BTBD16: variants seen among roughly 807,000 people sequenced by gnomAD.
BTBD16 encodes BTB domain containing 16.
Under a neutral mutation model 67.4 loss-of-function variants are expected in BTBD16, and 66 were observed. That is an observed-to-expected ratio of 0.98 (90% confidence interval 0.80 to 1.20). BTBD16 has a LOEUF of 1.20. Among genes scored for constraint, BTBD16 ranks in the 50% most tolerant of loss-of-function variants. BTBD16 has a pLI of 0.00. For synonymous variants in BTBD16, 242 were observed against 236.4 expected, an observed-to-expected ratio of 1.02 and a Z score of -0.22; for missense variants, 634 against 616.0, an observed-to-expected ratio of 1.03 and a Z score of -0.31.
Position 122,334,958 on chromosome 10 carries a change from C to G in BTBD16, c.1242C>G (p.Thr414=), listed in dbSNP as rs751699025. The G allele has an allele frequency of 6.5e-7, 1 of 1,538,814 alleles. No homozygotes were observed. The change falls in exon 14 of 16, where the codon ACC becomes ACG. Residue 414 remains threonine (T), a synonymous_variant. Coordinates refer to ENST00000260723, the MANE Select transcript of BTBD16 (RefSeq NM_144587.5). Reference sequence around the variant, plus strand: ...TAAAGGGACTCAAACATGATACTACCTCTTATAGTTTTTACATGCAGGTAA... The same window carrying G: ...TAAAGGGACTCAAACATGATACTACGTCTTATAGTTTTTACATGCAGGTAA... ...FKIKGLKHDT[T]SYSFYMQRIK...
At chr10:122,337,925 C>G (rs1464155792) in intron 15 of BTBD16, 92 bp from the exon 16 acceptor site, 6 of 1,060,016 alleles carry the variant, frequency 5.7e-6, no homozygotes, top group African/African-American at 4.7e-5. Context: ...CCAGCATTTT[C>G]TACAACTGTT....
chr10:122,280,303 G>A (rs1010523201), intron 3 of BTBD16, among the ~76,000 whole-genome samples: 12 of 152,182 alleles, frequency 7.9e-5, no homozygotes, highest in African/African-American at 1.9e-4. Flanking sequence ...GTCCACAGGC[G>A]TGTATGGATG....
chr10:122,326,450 G>A (rs924263977), intron 10 of BTBD16, among the ~76,000 whole-genome samples: 1 of 152,096 alleles, frequency 6.6e-6, no homozygotes, highest in African/African-American at 2.4e-5. Context: ...CCTTGCGCCT[G>A]GCTTACTGCT....
At chr10:122,288,465 C>A (rs2096367820) in intron 5 of BTBD16, among the ~76,000 whole-genome samples, 2 of 152,136 alleles carry the variant, frequency 1.3e-5, no homozygotes, top group South Asian at 4.1e-4. Context: ...GGATGATGGG[C>A]TTTTTGGCTC....
intron 9 of BTBD16, among the ~76,000 whole-genome samples, chr10:122,305,213 T>TG (rs2096401515): frequency 6.6e-6 from 1 of 152,198 alleles, no homozygotes; most frequent in African/African-American, 2.4e-5. Flanking sequence ...CATGAGTAAA[T>TG]TGCATGTCAC....
At chr10:122,332,384 G>A (rs372683873) in intron 12 of BTBD16, 52 bp from the exon 13 acceptor site, 16 of 1,566,230 alleles carry the variant, frequency 1.0e-5, no homozygotes, top group South Asian at 3.4e-5. Flanking sequence ...GAAGAGAGGC[G>A]CTCGTGTCCA....
At chr10:122,300,633 G>T (rs977437046) in intron 9 of BTBD16, among the ~76,000 whole-genome samples, 2 of 152,140 alleles carry the variant, frequency 1.3e-5, no homozygotes, top group Non-Finnish European at 1.5e-5. Flanking sequence ...TTACATTGAT[G>T]TAATACTTTA....
intron 7 of BTBD16, among the ~76,000 whole-genome samples, chr10:122,295,096 A>G (rs539233188): frequency 6.6e-6 from 1 of 152,344 alleles, no homozygotes; most frequent in African/African-American, 2.4e-5. Context: ...ACAGGTCAGC[A>G]CAGAGCTGGC....
chr10:122,307,363 A>G, intron 10 of BTBD16, 55 bp downstream of exon 10: 1 of 1,492,930 alleles, frequency 6.7e-7, no homozygotes, highest in Non-Finnish European at 9.0e-7. Flanking sequence ...ATGTACAAAC[A>G]CTGCTCATAA....
chr10:122,286,150 C>T lies in BTBD16; in HGVS notation c.287C>T (p.Pro96Leu). 2 of 1,613,938 alleles carry T rather than the reference C, an allele frequency of 1.2e-6. No homozygotes were observed. Among genetic ancestry groups the T allele is most frequent in the Non-Finnish European group, 1.7e-6 (2 of 1,179,878 alleles). The change falls in exon 5 of 16, where the codon CCC (proline) becomes CTC (leucine). Residue 96 changes from proline (P) to leucine (L), a missense_variant. Coordinates refer to ENST00000260723, the MANE Select transcript of BTBD16 (RefSeq NM_144587.5). ...GGCTTCAAATGGGAGCTCCATCAGC[C>T]CCAGCTTTTTCAGTCTGAGACCTTG... is the stretch of plus-strand genomic sequence containing the variant. The part of the protein sequence containing the change: ...CLGFKWELHQ[P>L]QLFQSETLAK...
chr10:122,298,868 C>T, intron 8 of BTBD16, 136 bp from the exon 9 acceptor site: 1 of 1,097,500 alleles, frequency 9.1e-7, no homozygotes. Context: ...TGCTGTAATT[C>T]ATGTATTTTG....
rs549878169 is a variant in BTBD16 at position 122,306,905 on chromosome 10, C to T, written c.792-284C>T. 2.6e-5 allele frequency among the ~76,000 whole-genome samples: 4 copies of T among 152,292 alleles called. No individual in the cohort carries two copies. In the East Asian group the frequency reaches 7.7e-4, roughly 29 times the overall value. On this transcript the variant is annotated intron_variant, in intron 9 of 15. Transcript: ENST00000260723. ...CAGAAAACATCTTGGGAACACCTGGCACATAGTAAGAGCTCATTAAATGAC... is the reference window on the plus strand; with the variant it reads ...CAGAAAACATCTTGGGAACACCTGGTACATAGTAAGAGCTCATTAAATGAC...
At chr10:122,272,294 T>G (rs1177179453) in intron 1 of BTBD16, among the ~76,000 whole-genome samples, 1 of 152,202 alleles carries the variant, frequency 6.6e-6, no homozygotes, top group Non-Finnish European at 1.5e-5. Flanking sequence ...CACCAGCAGC[T>G]GGGTACAAAC....
At chr10:122,306,715 A>C (rs1393041920) in intron 9 of BTBD16, among the ~76,000 whole-genome samples, 1 of 152,220 alleles carries the variant, frequency 6.6e-6, no homozygotes, top group Non-Finnish European at 1.5e-5. Flanking sequence ...AGTCTATTTT[A>C]GTGTAATATA....
At chr10:122,287,355 G>A in intron 5 of BTBD16, 1 of 874,420 alleles carries the variant, frequency 1.1e-6, no homozygotes, top group Non-Finnish European at 1.4e-6. Context: ...ATTTGGAAGT[G>A]GAAATGGAGT....
intron 9 of BTBD16, among the ~76,000 whole-genome samples, chr10:122,302,896 A>C (rs1283528624): frequency 1.3e-5 from 2 of 152,202 alleles, no homozygotes; most frequent in Non-Finnish European, 2.9e-5. Context: ...GCAACATGAG[A>C]GTTGGGATTT....
At chr10:122,327,951 G>A (rs995715766) in intron 10 of BTBD16, among the ~76,000 whole-genome samples, 1 of 152,168 alleles carries the variant, frequency 6.6e-6, no homozygotes, top group African/African-American at 2.4e-5. Context: ...CTCCAGCCGG[G>A]GCCCACTGCT....
chr10:122,332,340 A>AGG (rs5788544), intron 12 of BTBD16, 96 bp from the exon 13 acceptor site: 27 of 1,073,614 alleles, frequency 2.5e-5, no homozygotes, highest in Non-Finnish European at 3.4e-5. Flanking sequence ...AAACCTGGTG[A>AGG]GGGGGGCAGG....
At chr10:122,320,340 G>C (rs576708351) in intron 10 of BTBD16, among the ~76,000 whole-genome samples, 1 of 152,006 alleles carries the variant, frequency 6.6e-6, no homozygotes, top group East Asian at 1.9e-4. Flanking sequence ...GTTTTTTATA[G>C]ATACCCTTTA....
Sources: gnomAD v4.1 joint callset for allele counts (sites outside exome capture counted in the v4.1 genomes callset) on GRCh38, gnomAD v4.1.1 for gene constraint, MANE v1.5 for transcripts, NCBI Gene and HGNC (gene_info 2026-07-23, HGNC 2026-07-21) for gene names.